Variants in OSBPL8 observed in about 807,000 individuals in gnomAD.
OSBPL8 encodes oxysterol binding protein like 8.
In OSBPL8, 59 loss-of-function variants were observed where a neutral mutation model predicts 125.5. The ratio of observed to expected loss-of-function variants is 0.47; its 90% CI spans 0.38 to 0.58. The LOEUF (loss-of-function observed/expected upper bound fraction) is 0.58, where lower values mean the gene tolerates loss of function less well. OSBPL8 is among the 20% of genes least tolerant of loss of function. OSBPL8 has a pLI of 0.00. For synonymous variants in OSBPL8, 330 were observed against 338.9 expected (o/e 0.97, Z 0.29); for missense variants, 758 against 1,047.8 (o/e 0.72, Z 3.82).
chr12:76,557,770 G>T (rs1270644857), intron 1 of OSBPL8, among the ~76,000 whole-genome samples: 1 of 152,142 alleles, frequency 6.6e-6, no homozygotes, highest in Non-Finnish European at 1.5e-5. Flanking sequence ...AATGAACCAA[G>T]GAACTGAATA....
intron 1 of OSBPL8, among the ~76,000 whole-genome samples, chr12:76,488,908 CCT>C (rs1432647213): frequency 1.3e-5 from 2 of 152,186 alleles, no homozygotes; most frequent in Non-Finnish European, 2.9e-5. Context: ...AGAAGCATGG[CCT>C]CTTACACCAA....
chr12:76,516,751 T>C (rs1017126821), intron 1 of OSBPL8, among the ~76,000 whole-genome samples: 7 of 151,338 alleles, frequency 4.6e-5, no homozygotes, highest in African/African-American at 1.7e-4. Flanking sequence ...GAAGGAAACA[T>C]AACAAATCCT....
intron 2 of OSBPL8, among the ~76,000 whole-genome samples, chr12:76,475,979 A>G (rs1876758391): frequency 6.6e-6 from 1 of 152,232 alleles, no homozygotes; most frequent in African/African-American, 2.4e-5. Context: ...AGAGAGGCCA[A>G]CTACTACCGT....
intron 1 of OSBPL8, among the ~76,000 whole-genome samples, chr12:76,553,337 A>C (rs1321202046): frequency 1.3e-5 from 2 of 152,128 alleles, no homozygotes; most frequent in East Asian, 3.8e-4. Flanking sequence ...TCAACAGGAC[A>C]GATTTCAACT....
rs1029920806 is a variant in OSBPL8, at chr12:76,351,894, AT to A, written c.*3994del. On this transcript the variant is annotated 3_prime_UTR_variant, in exon 24 of 24. Transcript: ENST00000261183. ...AATTCTTTTCTTTCTGCAAACAGTT[AT>A]AATAGGTTAGGAATAATAGATTAGA... The A allele has an allele frequency of 5.3e-5, 8 of 152,254 alleles. No homozygotes were observed. Among genetic ancestry groups the A allele is most frequent in the African/African-American group, 1.9e-4 (8 of 41,466 alleles). 9.4% of individuals were successfully genotyped at this position (152,254 alleles called of 1,614,324 possible).
At chr12:76,485,130 C>A (rs1446321169) in intron 2 of OSBPL8, among the ~76,000 whole-genome samples, 1 of 151,846 alleles carries the variant, frequency 6.6e-6, no homozygotes, top group Non-Finnish European at 1.5e-5. Context: ...ATCATGCTGG[C>A]CAGGCTGGTC....
At chr12:76,456,162 A>C (rs1047671053) in intron 3 of OSBPL8, among the ~76,000 whole-genome samples, 4 of 152,246 alleles carry the variant, frequency 2.6e-5, no homozygotes, top group Non-Finnish European at 5.9e-5. Flanking sequence ...AGTGGAAGCT[A>C]AAATAAGATG....
chr12:76,369,812 G>A lies in OSBPL8; in HGVS notation c.2065C>T (p.Arg689Trp), dbSNP rs994132627. The change falls in exon 20 of 24, where the codon CGG becomes TGG. Residue 689 changes from arginine to tryptophan, a missense_variant. By Grantham distance (101) the Arg-to-Trp change is moderately radical. Around this residue, in one of 3 missense-constraint regions of OSBPL8, gnomAD observed 572 missense variants for 762.0 expected, o/e 0.75. Coordinates refer to ENST00000261183, the MANE Select transcript of OSBPL8 (RefSeq NM_020841.5). ...TTGGCATTTATGGCTCGAGTTACCC[G>A]TTGCCAGAGTCTAATACATGTGCGA... is the stretch of plus-strand genomic sequence containing the variant. ...GDFESEKLWQ[R>W]VTRAINAKDQ... 53 of 1,612,100 alleles carry A rather than the reference G, an allele frequency of 3.3e-5. No homozygotes were observed. Among genetic ancestry groups the A allele is most frequent in the Admixed American group, 8.4e-5 (5 of 59,698 alleles).
At chr12:76,496,959 A>C (rs1879341215) in intron 1 of OSBPL8, among the ~76,000 whole-genome samples, 1 of 152,272 alleles carries the variant, frequency 6.6e-6, no homozygotes, top group Admixed American at 6.5e-5. Flanking sequence ...GATTACAGAC[A>C]TGAGCCACCA....
At chr12:76,377,823 C>A (rs935951662) in intron 16 of OSBPL8, among the ~76,000 whole-genome samples, 1 of 152,070 alleles carries the variant, frequency 6.6e-6, no homozygotes, top group African/African-American at 2.4e-5. Context: ...TGATCTCAGG[C>A]ATATTAACCT....
chr12:76,375,131 C>T, intron 17 of OSBPL8, 142 bp downstream of exon 17: 1 of 552,024 alleles, frequency 1.8e-6, no homozygotes, highest in Non-Finnish European at 3.1e-6. Context: ...GCCCTTATTC[C>T]TTAGATGCAC....
intron 1 of OSBPL8, among the ~76,000 whole-genome samples, chr12:76,500,093 G>A (rs1879747516): frequency 6.6e-6 from 1 of 152,190 alleles, no homozygotes; most frequent in South Asian, 2.1e-4. Context: ...ATGCACAGAA[G>A]TGATCATGTC....
At chr12:76,485,942 G>A in intron 2 of OSBPL8, 1 of 332,742 alleles carries the variant, frequency 3.0e-6, no homozygotes, top group South Asian at 2.4e-5. Context: ...ATAAAAAAAG[G>A]TAAAGTTTAT....
In OSBPL8 at chr12:76,386,653, G is replaced by A. The variant is rs772424497; in HGVS notation, c.1360C>T (p.Leu454Phe). Residue 454 changes from leucine to phenylalanine, a missense_variant, in exon 13 of 24, where the codon CTT (leucine) becomes TTT (phenylalanine). Coordinates refer to ENST00000261183, the MANE Select transcript of OSBPL8 (RefSeq NM_020841.5). The stretch of plus-strand genomic sequence containing the variant: ...AAACGGAAATAAGGATTTTCTTCAA[G>A]AGCTGCCCTAAAACACAAAACGGTA... ...YHADFLSEAA[L>F]EENPYFRLKK... 2.5e-6 allele frequency: 4 copies of A among 1,601,474 alleles called. No individual in the cohort carries two copies. The South Asian group carries it at 4.5e-5, about 18-fold the overall frequency.
chr12:76,358,197 T>TTTTG (rs1952059910), intron 22 of OSBPL8, among the ~76,000 whole-genome samples: 2 of 149,132 alleles, frequency 1.3e-5, no homozygotes, highest in East Asian at 2.0e-4. Context: ...TTTTTTTTTT[T>TTTTG]GAGACAGGGT....
rs934179107 is a variant in OSBPL8, at chr12:76,495,260, T to C, written c.-67-7642A>G. ...TCCAGTTCCTGTAAGCTGTATGTTATATGCAAAAGACATTAACAAAATATA... is the reference window on the plus strand; with the variant it reads ...TCCAGTTCCTGTAAGCTGTATGTTACATGCAAAAGACATTAACAAAATATA... On this transcript the variant is annotated intron_variant, in intron 1 of 23. Transcript: ENST00000261183. Among the ~76,000 whole-genome samples the C allele has an allele frequency of 1.4e-4, 21 of 152,246 alleles. 1 individual carries two copies. Among genetic ancestry groups the C allele is most frequent in the Admixed American group, 7.8e-4 (12 of 15,292 alleles).
At chr12:76,524,893 A>G (rs1393987261) in intron 1 of OSBPL8, among the ~76,000 whole-genome samples, 3 of 152,108 alleles carry the variant, frequency 2.0e-5, no homozygotes, top group Admixed American at 6.5e-5. Flanking sequence ...CATGTTGGCC[A>G]GGCTGGTCTC....
chr12:76,381,715 C>G (rs1953061416), intron 15 of OSBPL8, among the ~76,000 whole-genome samples: 1 of 151,176 alleles, frequency 6.6e-6, no homozygotes, highest in African/African-American at 2.4e-5. Flanking sequence ...TTAACTTTTA[C>G]TTTCCATTTA....
At chr12:76,416,379 T>C (rs1345972984) in intron 4 of OSBPL8, among the ~76,000 whole-genome samples, 1 of 152,026 alleles carries the variant, frequency 6.6e-6, no homozygotes, top group Admixed American at 6.5e-5. Context: ...AGAAGGTATA[T>C]TCTATAGTTG....
Sources: gnomAD v4.1 joint callset for allele counts (sites outside exome capture counted in the v4.1 genomes callset) on GRCh38, gnomAD v4.1.1 for gene constraint, gnomAD v4.1.1 regional missense constraint, MANE v1.5 for transcripts, NCBI Gene and HGNC (gene_info 2026-07-23, HGNC 2026-07-21) for gene names.